The following PAM variants were observed in gnomAD, a reference collection of about 807,000 sequenced individuals.
PAM encodes peptidyl-glycine alpha-amidating monooxygenase.
A neutral mutation model predicts 122.1 loss-of-function variants in PAM; 72 were observed. That is an observed-to-expected ratio of 0.59 (90% CI 0.49 to 0.72). The LOEUF is 0.72. PAM is among the 30% of genes least tolerant of loss of function. The pLI is 0.00. For missense variants in PAM, 1,106 were observed against 1,183.7 expected (o/e 0.93, Z 0.96); for synonymous variants, 389 against 404.4 (o/e 0.96, Z 0.46).
At chr5:102,889,769 G>T (rs1032716818) in intron 3 of PAM, among the ~76,000 whole-genome samples, 2 of 151,848 alleles carry the variant, frequency 1.3e-5, no homozygotes. Flanking sequence ...TATTGGGCCT[G>T]TCTAGAACCA....
At chr5:102,971,793 A>G (rs535735700) in intron 14 of PAM, among the ~76,000 whole-genome samples, 39 of 152,314 alleles carry the variant, frequency 2.6e-4, no homozygotes, top group Non-Finnish European at 4.6e-4. Flanking sequence ...TAATGTGACT[A>G]AGAAAATTGG....
At chr5:102,889,070 AAGAGAAGTATAAAAAC>A (rs1794007203) in intron 3 of PAM, among the ~76,000 whole-genome samples, 1 of 151,980 alleles carries the variant, frequency 6.6e-6, no homozygotes, top group African/African-American at 2.4e-5. Flanking sequence ...AGAACTGCCA[AAGAGAAGTATAAAAAC>A]AGGGATGTAT....
chr5:102,814,922 A>C (rs1232100754), intron 1 of PAM, among the ~76,000 whole-genome samples: 1 of 151,682 alleles, frequency 6.6e-6, no homozygotes, highest in East Asian at 1.9e-4. Context: ...CCTCTTTCTT[A>C]TACAAATCCA....
chr5:102,786,493 G>A (rs991185583), intron 1 of PAM, among the ~76,000 whole-genome samples: 2 of 152,092 alleles, frequency 1.3e-5, no homozygotes, highest in East Asian at 1.9e-4. Flanking sequence ...CAGTTTCTGA[G>A]TTTTTTAATG....
chr5:102,845,929 T>A (rs191220707), intron 1 of PAM, among the ~76,000 whole-genome samples: 21 of 152,324 alleles, frequency 1.4e-4, no homozygotes, highest in African/African-American at 4.8e-4. Flanking sequence ...TATCATATAC[T>A]AGCTCACATT....
chr5:102,949,962 G>A lies in PAM; in HGVS notation c.785G>A (p.Ser262Asn). Residue 262 changes from serine to asparagine, a missense_variant, in exon 11 of 26, where the codon AGC becomes AAC. Physicochemically the swap from Ser to Asn is conservative, Grantham distance 46. Coordinates refer to ENST00000438793, the MANE Select transcript of PAM (RefSeq NM_001177306.2). Reference sequence around the variant, plus strand: ...CAGTGGACACTGATTGGACGGCAGAGCCCTCAGCTGCCACAGGTGGGTAAA... The same window carrying A: ...CAGTGGACACTGATTGGACGGCAGAACCCTCAGCTGCCACAGGTGGGTAAA... ...NGQWTLIGRQ[S>N]PQLPQAFYPV... The A allele has an allele frequency of 6.4e-7, 1 of 1,566,754 alleles. No homozygotes were observed. Among genetic ancestry groups the A allele is most frequent in the Non-Finnish European group, 8.8e-7 (1 of 1,137,756 alleles).
intron 24 of PAM, among the ~76,000 whole-genome samples, chr5:103,027,423 G>A (rs928220509): frequency 7.9e-5 from 12 of 152,138 alleles, no homozygotes; most frequent in African/African-American, 2.9e-4. Flanking sequence ...CCCCAGGCCT[G>A]ACTTTCCTGA....
intron 5 of PAM, among the ~76,000 whole-genome samples, chr5:102,922,771 C>T (rs527861294): frequency 6.6e-6 from 1 of 152,268 alleles, no homozygotes; most frequent in African/African-American, 2.4e-5. Context: ...TTGTTGAAAG[C>T]TATGAAAATT....
intron 1 of PAM, among the ~76,000 whole-genome samples, chr5:102,789,748 A>G (rs983028281): frequency 6.6e-6 from 1 of 152,116 alleles, no homozygotes; most frequent in Admixed American, 6.6e-5. Flanking sequence ...ACTGTAATTA[A>G]TGGGACTGAA....
intron 3 of PAM, among the ~76,000 whole-genome samples, chr5:102,885,371 C>G (rs1289439349): frequency 6.6e-6 from 1 of 151,808 alleles, no homozygotes; most frequent in Non-Finnish European, 1.5e-5. Context: ...TATTTAGCCT[C>G]CTCATTTTGG....
At chr5:102,805,612 T>C (rs746455887) in intron 1 of PAM, among the ~76,000 whole-genome samples, 1 of 152,200 alleles carries the variant, frequency 6.6e-6, no homozygotes, top group Non-Finnish European at 1.5e-5. Flanking sequence ...GGGTGTGTAC[T>C]TCACAAGGTC....
At chr5:102,755,725 C>T (rs1345367542) in intron 1 of PAM, among the ~76,000 whole-genome samples, 2 of 151,956 alleles carry the variant, frequency 1.3e-5, no homozygotes, top group Non-Finnish European at 2.9e-5. Flanking sequence ...GCCTTTTCTG[C>T]CCCCAACTTG....
intron 1 of PAM, among the ~76,000 whole-genome samples, chr5:102,817,357 A>G (rs1217528007): frequency 1.3e-5 from 2 of 152,182 alleles, no homozygotes; most frequent in Non-Finnish European, 2.9e-5. Flanking sequence ...AAGTAATTAA[A>G]TATGGCTAGT....
At chr5:102,784,564 C>T (rs568097576) in intron 1 of PAM, among the ~76,000 whole-genome samples, 1 of 152,238 alleles carries the variant, frequency 6.6e-6, no homozygotes, top group East Asian at 1.9e-4. Context: ...GGACAGGTAC[C>T]ATCTCTGTCT....
At chr5:103,019,984 G>A in intron 23 of PAM, 141 bp downstream of exon 23, 2 of 680,076 alleles carry the variant, frequency 2.9e-6, no homozygotes, top group Non-Finnish European at 5.4e-6. Flanking sequence ...TATGTACTGA[G>A]CCTTTAAACC....
At chr5:102,987,271 A>G (rs1300152386) in intron 15 of PAM, among the ~76,000 whole-genome samples, 2 of 152,224 alleles carry the variant, frequency 1.3e-5, no homozygotes, top group Non-Finnish European at 2.9e-5. Context: ...GGAGGTCATT[A>G]TATTAAGTGA....
intron 7 of PAM, among the ~76,000 whole-genome samples, chr5:102,929,614 T>C (rs1030909922): frequency 2.6e-5 from 4 of 152,194 alleles, no homozygotes; most frequent in African/African-American, 9.6e-5. Flanking sequence ...TATGAGCATT[T>C]TTCCACACAG....
At chr5:102,862,169 CAA>C (rs57758540) in intron 1 of PAM, among the ~76,000 whole-genome samples, 2,787 of 70,256 alleles carry the variant, frequency 0.04, 57 homozygotes, top group East Asian at 0.11. Context: ...GACCCTGTCT[CAA>C]AAAAAAAAAA....
chr5:102,889,275 T>G (rs1019015976), intron 3 of PAM, among the ~76,000 whole-genome samples: 1 of 151,936 alleles, frequency 6.6e-6, no homozygotes, highest in Non-Finnish European at 1.5e-5. Context: ...AGCAGGAGGA[T>G]AAGGAGGTCA....
Sources: gnomAD v4.1 joint callset for allele counts (sites outside exome capture counted in the v4.1 genomes callset) on GRCh38, gnomAD v4.1.1 for gene constraint, MANE v1.5 for transcripts, NCBI Gene and HGNC (gene_info 2026-07-23, HGNC 2026-07-21) for gene names.